IFNLR1: variants seen among roughly 807,000 people sequenced by gnomAD.
The protein encoded by IFNLR1 is CRF2-12.
In IFNLR1, 28 loss-of-function variants were observed where a neutral mutation model predicts 52.5. That is an observed-to-expected ratio of 0.53 (90% confidence interval 0.40 to 0.73). The LOEUF (loss-of-function observed/expected upper bound fraction) is 0.73. Among genes scored for constraint, IFNLR1 ranks in the 30% least tolerant of loss-of-function variants. The pLI, the probability that IFNLR1 is intolerant of heterozygous loss-of-function variation, is 0.00. For synonymous variants in IFNLR1, 276 were observed against 274.9 expected (o/e 1.00, Z -0.04); for missense variants, 623 against 659.1 (o/e 0.95, Z 0.60).
At chr1:24,162,746 TTCTTTCTTTC>T in intron 3 of IFNLR1, among the ~76,000 whole-genome samples, 1 of 34,548 alleles carries the variant, frequency 2.9e-5, no homozygotes, top group South Asian at 1.8e-3. Flanking sequence ...CTTTCTTTCT[TTCTTTCTTTC>T]TTTCTTTCTT....
chr1:24,156,904 G>A lies in IFNLR1; in HGVS notation c.*226C>T, dbSNP rs149033026. 6.2e-3 allele frequency: 3,566 copies of A among 573,956 alleles called. 36 individuals are homozygous for A. The highest frequency in any genetic ancestry group is 6.4e-3 in the Admixed American group (197 of 30,736). The allele number at this position is 573,956 out of a possible 1,614,324, so 35.6% of individuals were successfully genotyped here. A position where few individuals can be genotyped will look rare whatever the true frequency, so the allele number is the denominator to read the frequency against. On this transcript the variant is annotated 3_prime_UTR_variant, in exon 7 of 7. Transcript: ENST00000327535. ...CCAACCTCTGACCTCAGCCCACCCTGTGTCCACCCCTCTTATAGCTCAGCC... is the reference window on the plus strand; with the variant it reads ...CCAACCTCTGACCTCAGCCCACCCTATGTCCACCCCTCTTATAGCTCAGCC...
Position 24,161,594 on chromosome 1 carries a change from G to T in IFNLR1, c.458C>A (p.Pro153Gln). Residue 153 changes from proline to glutamine, a missense_variant, in exon 4 of 7, where the codon CCA becomes CAA. Physicochemically the swap from Pro to Gln is moderately conservative, Grantham distance 76 (BLOSUM62 -1). Coordinates refer to ENST00000327535, the MANE Select transcript of IFNLR1 (RefSeq NM_170743.4). The stretch of plus-strand genomic sequence containing the variant: ...TGCCACCTCATACTTCAGATCCAGT[G>T]GGGGCATGCAGGGGGGCAGCTGGTA... Reference protein sequence around the residue: ...ATYQLPPCMPPLDLKYEVAFW... With the variant: ...ATYQLPPCMPQLDLKYEVAFW... The T allele has an allele frequency of 6.4e-7, 1 of 1,555,268 alleles. No homozygotes were observed.
At chr1:24,159,711 C>G in intron 4 of IFNLR1, 78 bp from the exon 5 acceptor site, 3 of 993,284 alleles carry the variant, frequency 3.0e-6, no homozygotes, top group Admixed American at 2.8e-5. Context: ...GTGGGGTTGG[C>G]AGACATGGTA....
chr1:24,180,509 G>C (rs907479273), intron 2 of IFNLR1, among the ~76,000 whole-genome samples: 3 of 151,962 alleles, frequency 2.0e-5, no homozygotes. Flanking sequence ...CCCCGCCCCG[G>C]CAGACTGGTC....
chr1:24,156,122 T>C lies in IFNLR1; in HGVS notation c.*1008A>G, dbSNP rs930768397. On this transcript the variant is annotated 3_prime_UTR_variant, in exon 7 of 7. Transcript: ENST00000327535. ...TTGGTTCCTCCCCTGGGAAGCAGGG[T>C]TCCCATTGCTAGGTGAAGGCGGAGA... The C allele has an allele frequency of 3.3e-5, 5 of 152,004 alleles. No individual in the cohort carries two copies. Among genetic ancestry groups the C allele is most frequent in the Non-Finnish European group, 7.4e-5 (5 of 68,020 alleles). The allele number at this position is 152,004 out of a possible 1,614,324, so 9.4% of individuals were successfully genotyped here.
chr1:24,182,030 T>C (rs1195858451), intron 1 of IFNLR1, among the ~76,000 whole-genome samples: 1 of 152,020 alleles, frequency 6.6e-6, no homozygotes, highest in Non-Finnish European at 1.5e-5. Flanking sequence ...TGAAACCTCG[T>C]CTCTACTAAA....
At chr1:24,184,068 C>G (rs935716095) in intron 1 of IFNLR1, among the ~76,000 whole-genome samples, 1 of 152,104 alleles carries the variant, frequency 6.6e-6, no homozygotes, top group African/African-American at 2.4e-5. Context: ...CAAGGCCCTA[C>G]CCAATCTGAC....
rs146548036 is a variant in IFNLR1, at chr1:24,178,484, C to T, written c.182+2247G>A. On this transcript the variant is annotated intron_variant, in intron 2 of 6. Coordinates refer to ENST00000327535, the MANE Select transcript of IFNLR1 (RefSeq NM_170743.4). ...GGAATTGTACCAGAGGGACCTGGAA[C>T]ATCTTGTCGTAATGGACAGCTGGAA... 5.5e-3 allele frequency among the ~76,000 whole-genome samples: 842 copies of T among 152,176 alleles called. 8 individuals are homozygous for T. Among genetic ancestry groups the T allele is most frequent in the African/African-American group, 0.013 (538 of 41,508 alleles).
chr1:24,159,505 A>G lies in IFNLR1; in HGVS notation c.639T>C (p.Ser213=), dbSNP rs925441767. 4 of 1,614,186 alleles carry G rather than the reference A, an allele frequency of 2.5e-6. No individual in the cohort carries two copies. The highest frequency in any genetic ancestry group is 1.6e-4 in the Middle Eastern group (1 of 6,062). Residue 213 remains serine, a synonymous_variant, in exon 5 of 7, where the codon TCT becomes TCC. Transcript: ENST00000327535. ...TFSVPKYSKF[S]KPTCFLLEVP... is the part of the protein sequence containing the mutation. ...CCTCCAGCAAGAAGCAGGTGGGCTT[A>G]GAGAACTTGCTGTATTTCGGGACAC...
chr1:24,156,965 G>A lies in IFNLR1; in HGVS notation c.*165C>T, dbSNP rs7522997. On this transcript the variant is annotated 3_prime_UTR_variant, in exon 7 of 7. Coordinates refer to ENST00000327535, the MANE Select transcript of IFNLR1 (RefSeq NM_170743.4). ...GGGTCACAGGAGGGAGGGGCATCTT[G>A]TTGCTCAGCCCGACAGGCAAACAGC... The A allele has an allele frequency of 1, 728,033 of 729,282 alleles. 363,396 individuals are homozygous for A. Among genetic ancestry groups the A allele is most frequent in the East Asian group, 1 (38,207 of 38,208 alleles). 45.2% of individuals were successfully genotyped at this position (729,282 alleles called of 1,614,324 possible).
chr1:24,168,056 A>C (rs1198976046), intron 3 of IFNLR1, among the ~76,000 whole-genome samples: 1 of 151,944 alleles, frequency 6.6e-6, no homozygotes, highest in Non-Finnish European at 1.5e-5. Flanking sequence ...GAGAACCTTG[A>C]CTAACATACT....
intron 2 of IFNLR1, among the ~76,000 whole-genome samples, chr1:24,172,015 G>C (rs1644585168): frequency 6.6e-6 from 1 of 151,482 alleles, no homozygotes; most frequent in African/African-American, 2.4e-5. Flanking sequence ...TTGTTGCCTA[G>C]GCCGGTCTCA....
At chr1:24,180,594 C>G in intron 2 of IFNLR1, 137 bp downstream of exon 2, 1 of 801,238 alleles carries the variant, frequency 1.2e-6, no homozygotes, top group Non-Finnish European at 2.0e-6. Context: ...CAAATGCCGG[C>G]CACATGCCAT....
intron 3 of IFNLR1, among the ~76,000 whole-genome samples, chr1:24,165,307 G>A (rs1005272443): frequency 3.9e-5 from 6 of 152,188 alleles, no homozygotes; most frequent in Non-Finnish European, 7.3e-5. Context: ...ATTCTGCTAA[G>A]CTTTCTGCCA....
intron 1 of IFNLR1, among the ~76,000 whole-genome samples, chr1:24,185,859 T>G (rs188710722): frequency 6.6e-6 from 1 of 152,278 alleles, no homozygotes; most frequent in East Asian, 1.9e-4. Context: ...TCAATCACCC[T>G]TGGGACAGAC....
At position 24,169,605 on chromosome 1, in the gene IFNLR1, G is replaced by T; in HGVS notation, c.183-4C>A. On this transcript the variant is annotated splice_polypyrimidine_tract_variant and splice_region_variant and intron_variant, in intron 2 of 6. Coordinates refer to ENST00000327535, the MANE Select transcript of IFNLR1 (RefSeq NM_170743.4). ...CCACCGTCTACGGGTGGGAGAGCTG[G>T]GGGAGGAGAGAGGAGAGCTTGGGCC... 1.2e-6 allele frequency: 2 copies of T among 1,611,576 alleles called. No individual in the cohort carries two copies. Among genetic ancestry groups the T allele is most frequent in the Non-Finnish European group, 1.7e-6 (2 of 1,178,732 alleles).
chr1:24,159,458 A>C lies in IFNLR1; in HGVS notation c.670+16T>G. On this transcript the variant is annotated intron_variant, in intron 5 of 6. Transcript: ENST00000327535. Reference sequence around the variant, plus strand: ...CCAGAGGGAAAGTTTCTCTTTCTGCACCACTTGATACCCACCTGGGACCTC... The same window carrying C: ...CCAGAGGGAAAGTTTCTCTTTCTGCCCCACTTGATACCCACCTGGGACCTC... The C allele has an allele frequency of 6.2e-7, 1 of 1,613,014 alleles. No individual in the cohort carries two copies.
intron 3 of IFNLR1, among the ~76,000 whole-genome samples, chr1:24,166,458 C>G (rs902224353): frequency 6.6e-6 from 1 of 152,086 alleles, no homozygotes; most frequent in Non-Finnish European, 1.5e-5. Context: ...GCCCTTCCTT[C>G]CCTGCCTGGA....
intron 3 of IFNLR1, among the ~76,000 whole-genome samples, chr1:24,168,855 T>C (rs1644547047): frequency 6.6e-6 from 1 of 152,192 alleles, no homozygotes; most frequent in South Asian, 2.1e-4. Flanking sequence ...GCGATTCTCC[T>C]GCCTCAGCCT....
Sources: allele counts gnomAD v4.1 joint callset (sites outside exome capture counted in the v4.1 genomes callset), GRCh38; gene constraint gnomAD v4.1.1; transcripts MANE v1.5; gene names NCBI Gene and HGNC (gene_info 2026-07-23, HGNC 2026-07-21).